The following NOTCH2 variants were observed in gnomAD, a reference collection of about 807,000 sequenced individuals.
NOTCH2 encodes notch receptor 2.
A neutral mutation model predicts 235.8 loss-of-function variants in NOTCH2; 29 were observed. That is an observed-to-expected ratio of 0.12 (90% CI 0.09 to 0.17). The LOEUF is 0.17. Ranked by LOEUF, NOTCH2 falls within the 10% of genes least tolerant of loss-of-function variation. The pLI is 1.00. For synonymous variants in NOTCH2, 1,086 were observed against 1,141.5 expected (o/e 0.95, Z 0.98); for missense variants, 2,285 against 3,150.2 (o/e 0.73, Z 6.57).
In NOTCH2 at chr1:119,915,296, G is replaced by A. The variant is rs772513585; in HGVS notation, c.*10C>T. On this transcript the variant is annotated 3_prime_UTR_variant, in exon 34 of 34. Transcript: ENST00000256646. ...AGTCAGTTATGTCTCTACACTGGAG[G>A]TGGACTCTCTCACGCATAAACCTGC... The A allele has an allele frequency of 6.2e-7, 1 of 1,612,336 alleles. No homozygotes were observed. The highest frequency in any genetic ancestry group is 8.5e-7 in the Non-Finnish European group (1 of 1,179,878).
intron 14 of NOTCH2, among the ~76,000 whole-genome samples, chr1:119,951,773 G>A (rs1181250632): frequency 6.6e-6 from 1 of 152,232 alleles, no homozygotes; most frequent in Non-Finnish European, 1.5e-5. Context: ...CTATGGCACT[G>A]TGGAAAAGAA....
chr1:119,948,867 C>G, intron 16 of NOTCH2, 140 bp downstream of exon 16: 3 of 1,186,410 alleles, frequency 2.5e-6, no homozygotes, highest in Non-Finnish European at 3.8e-6. Context: ...AGTAGCAGCT[C>G]CTTTGCAAAA....
chr1:120,041,622 C>CA, intron 1 of NOTCH2, among the ~76,000 whole-genome samples: 1 of 152,034 alleles, frequency 6.6e-6, no homozygotes. Flanking sequence ...TTGGCAAACT[C>CA]AAAAAGTTAC....
chr1:120,000,041 AAG>A (rs1170562693), intron 3 of NOTCH2, among the ~76,000 whole-genome samples: 1 of 151,794 alleles, frequency 6.6e-6, no homozygotes, highest in Non-Finnish European at 1.5e-5. Flanking sequence ...GGAAGGGAGA[AAG>A]AAAGAAAGAA....
chr1:119,956,976 G>A (rs1235184326), intron 12 of NOTCH2, among the ~76,000 whole-genome samples: 2 of 152,226 alleles, frequency 1.3e-5, no homozygotes, highest in Non-Finnish European at 2.9e-5. Flanking sequence ...AAGTTACCCA[G>A]TGTTTCTTCT....
intron 15 of NOTCH2, 56 bp downstream of exon 15, chr1:119,950,668 T>C: frequency 1.8e-6 from 2 of 1,142,764 alleles, no homozygotes; most frequent in Non-Finnish European, 1.3e-6. Flanking sequence ...ACTCAGGCAC[T>C]GACAAAGCAA....
At chr1:119,918,363 T>G (rs371935119) in intron 32 of NOTCH2, 43 bp downstream of exon 32, 49 of 1,611,088 alleles carry the variant, frequency 3.0e-5, no homozygotes, top group Non-Finnish European at 3.9e-5. Flanking sequence ...GTCAGAGGCA[T>G]GCTTTGCAGG....
chr1:119,917,907 T>C, intron 32 of NOTCH2, 145 bp from the exon 33 acceptor site: 4 of 682,682 alleles, frequency 5.9e-6, no homozygotes, highest in Non-Finnish European at 5.3e-6. Context: ...CAAAGTAATC[T>C]CTTCTTTTTC....
Position 119,916,137 on chromosome 1 carries a change from G to A in NOTCH2, c.6585C>T (p.Ala2195=). ...GGTTAGAAAAAGATAGTGCATGCTG[G>A]GCATGGACTGGGGCAGGAGGGGCGG... The part of the protein sequence containing the change: ...ATAAPPAPVH[A]QHALSFSNLH... Residue 2195 remains alanine, a synonymous_variant, in exon 34 of 34, where the codon GCC becomes GCT. Transcript: ENST00000256646. 1.9e-6 allele frequency: 3 copies of A among 1,614,186 alleles called. No individual in the cohort carries two copies. In the South Asian group the frequency reaches 3.3e-5, roughly 18 times the overall value.
intron 11 of NOTCH2, among the ~76,000 whole-genome samples, chr1:119,962,187 A>G (rs1385670358): frequency 6.6e-6 from 1 of 152,112 alleles, no homozygotes; most frequent in Non-Finnish European, 1.5e-5. Flanking sequence ...AAAACACCTG[A>G]TATATCCTGG....
Position 119,959,470 on chromosome 1 carries a change from C to A in NOTCH2, c.1948G>T (p.Ala650Ser), listed in dbSNP as rs1553198773. 6.2e-7 allele frequency: 1 copy of A among 1,608,346 alleles called. No homozygotes were observed. Among genetic ancestry groups the A allele is most frequent in the Admixed American group, 1.7e-5 (1 of 60,002 alleles). Residue 650 changes from alanine (A) to serine (S), a missense_variant, in exon 12 of 34, where the codon GCA becomes TCA. Physicochemically the swap from Ala to Ser is moderately conservative, Grantham distance 99 (BLOSUM62 1). Coordinates refer to ENST00000256646, the MANE Select transcript of NOTCH2 (RefSeq NM_024408.4). ...ATTCCATGGATACAAGGGTTACTTG[C>A]ACAGTCATCAAAATTAATTTCACAA... ...VNCEINFDDC[A>S]SNPCIHGICM...
At chr1:119,928,160 T>G (rs1313069638) in intron 23 of NOTCH2, among the ~76,000 whole-genome samples, 1 of 152,208 alleles carries the variant, frequency 6.6e-6, no homozygotes, top group Non-Finnish European at 1.5e-5. Flanking sequence ...TCTCCAGAAG[T>G]AACTAGTAAG....
At position 119,975,903 on chromosome 1, in the gene NOTCH2, G is replaced by A. The variant is rs141276430; in HGVS notation, c.875-6159C>T. On this transcript the variant is annotated intron_variant, in intron 5 of 33. Coordinates refer to ENST00000256646, the MANE Select transcript of NOTCH2 (RefSeq NM_024408.4). ...AATCTGATTTGGAGCTACAAGTGAT[G>A]GGTAAAAAATAGAGGGGGACAACAA... Among the ~76,000 whole-genome samples, 934 of 152,178 alleles carry A rather than the reference G, an allele frequency of 6.1e-3. 11 individuals carry two copies. The highest frequency in any genetic ancestry group is 0.02 in the African/African-American group (832 of 41,514).
At chr1:119,956,601 C>G (rs1295129349) in intron 12 of NOTCH2, among the ~76,000 whole-genome samples, 4 of 152,182 alleles carry the variant, frequency 2.6e-5, no homozygotes, top group Non-Finnish European at 5.9e-5. Context: ...TGGCCTCAAC[C>G]ACTGATTCTT....
Position 119,913,509 on chromosome 1 carries a change from T to A in NOTCH2, c.*1797A>T, listed in dbSNP as rs187369212. ...ACTTATTTTGCAGGTGTCATGGGCA[T>A]CACAGCACTGGACGGAAGTTGCAGT... On this transcript the variant is annotated 3_prime_UTR_variant, in exon 34 of 34. Transcript: ENST00000256646. The A allele has an allele frequency of 1.8e-3, 417 of 233,282 alleles. 1 individual carries two copies. The highest frequency in any genetic ancestry group is 8.7e-3 in the African/African-American group (396 of 45,466). The allele number at this position is 233,282 out of a possible 1,614,324, so 14.5% of individuals were successfully genotyped here.
intron 33 of NOTCH2, 92 bp from the exon 34 acceptor site, chr1:119,916,786 A>G (rs1166191314): frequency 5.4e-6 from 7 of 1,293,342 alleles, no homozygotes; most frequent in Non-Finnish European, 7.7e-6. Context: ...ACCCCCTTAG[A>G]CATGTTTTCC....
intron 26 of NOTCH2, 128 bp from the exon 27 acceptor site, chr1:119,922,906 C>G: frequency 9.1e-7 from 1 of 1,102,510 alleles, no homozygotes; most frequent in African/African-American, 1.5e-5. Flanking sequence ...CAGGTCCCCA[C>G]CTCTGGGATG....
chr1:119,917,703 A>G lies in NOTCH2; in HGVS notation c.5989T>C (p.Leu1997=). The G allele has an allele frequency of 2.5e-6, 4 of 1,614,000 alleles. No homozygotes were observed. Among genetic ancestry groups the G allele is most frequent in the Non-Finnish European group, 3.4e-6 (4 of 1,179,932 alleles). ...VNNVEATLLL[L]KNGANRDMQD... Reference sequence around the variant, plus strand: ...ATGTCTCGGTTGGCCCCATTTTTCAACAACAAAAGAGTTGCCTCCACATTA... The same window carrying G: ...ATGTCTCGGTTGGCCCCATTTTTCAGCAACAAAAGAGTTGCCTCCACATTA... The change falls in exon 33 of 34, where the codon TTG becomes CTG. Residue 1997 remains leucine, a synonymous_variant. Coordinates refer to ENST00000256646, the MANE Select transcript of NOTCH2 (RefSeq NM_024408.4).
intron 22 of NOTCH2, 57 bp from the exon 23 acceptor site, chr1:119,929,269 C>G: frequency 7.2e-7 from 1 of 1,393,318 alleles, no homozygotes; most frequent in Non-Finnish European, 1.0e-6. Flanking sequence ...TGCTTTCCAG[C>G]AAGGGATAAC....
Sources: allele counts gnomAD v4.1 joint callset (sites outside exome capture counted in the v4.1 genomes callset), GRCh38; gene constraint gnomAD v4.1.1; transcripts MANE v1.5; gene names NCBI Gene and HGNC (gene_info 2026-07-23, HGNC 2026-07-21).